RCOR1: variants seen among roughly 807,000 people sequenced by gnomAD.
RCOR1 encodes REST corepressor.
A neutral mutation model predicts 64.0 loss-of-function variants in RCOR1; 12 were observed. The observed-to-expected ratio is 0.19, with a 90% CI of 0.12 to 0.30. RCOR1 has a LOEUF of 0.30. Ranked by LOEUF, RCOR1 falls within the 10% of genes least tolerant of loss-of-function variation. The pLI is 1.00. For missense variants in RCOR1, 502 were observed against 621.2 expected, an observed-to-expected ratio of 0.81 and a Z score of 2.04; for synonymous variants, 279 against 227.2, an observed-to-expected ratio of 1.23 and a Z score of -2.05.
chr14:102,607,456 C>T (rs1337807594), intron 2 of RCOR1, among the ~76,000 whole-genome samples: 1 of 152,052 alleles, frequency 6.6e-6, no homozygotes, highest in African/African-American at 2.4e-5. Flanking sequence ...ACAAAATTGA[C>T]TATTTTTTGG....
intron 2 of RCOR1, among the ~76,000 whole-genome samples, chr14:102,593,857 C>G (rs1236282263): frequency 6.6e-6 from 1 of 152,188 alleles, no homozygotes; most frequent in Non-Finnish European, 1.5e-5. Context: ...CCCCCCAAAA[C>G]CAGTCAATAA....
chr14:102,683,223 T>G (rs558206926), intron 3 of RCOR1, among the ~76,000 whole-genome samples: 1 of 152,222 alleles, frequency 6.6e-6, no homozygotes, highest in East Asian at 1.9e-4. Flanking sequence ...CTTTAAACTT[T>G]AAAAAAACTA....
intron 11 of RCOR1, among the ~76,000 whole-genome samples, chr14:102,723,192 T>C (rs1169221544): frequency 6.6e-6 from 1 of 152,280 alleles, no homozygotes; most frequent in Non-Finnish European, 1.5e-5. Flanking sequence ...AATTTAGCTT[T>C]GTAAGGAAAG....
chr14:102,627,717 T>C lies in RCOR1; in HGVS notation c.361+34392T>C, dbSNP rs150749778. Reference sequence around the variant, plus strand: ...ACAAACTTCTTTTGGTTATTCTGATTCTGTATATTCTTTCTTTTCTCCTAT... The same window carrying C: ...ACAAACTTCTTTTGGTTATTCTGATCCTGTATATTCTTTCTTTTCTCCTAT... On this transcript the variant is annotated intron_variant, in intron 2 of 11. Transcript: ENST00000262241. 1.1e-3 allele frequency among the ~76,000 whole-genome samples: 164 copies of C among 151,954 alleles called. No homozygotes were observed. The Middle Eastern group carries it at 0.017, about 16-fold the overall frequency.
intron 3 of RCOR1, among the ~76,000 whole-genome samples, chr14:102,699,641 G>T (rs1275911847): frequency 1.3e-5 from 2 of 152,128 alleles, no homozygotes; most frequent in African/African-American, 4.8e-5. Context: ...ATCACTCTGA[G>T]CCTGTTTTCT....
At chr14:102,706,966 A>G (rs1477752016) in intron 4 of RCOR1, among the ~76,000 whole-genome samples, 3 of 152,196 alleles carry the variant, frequency 2.0e-5, no homozygotes, top group South Asian at 2.1e-4. Context: ...GTACCTAACA[A>G]GTTATCACCA....
intron 2 of RCOR1, among the ~76,000 whole-genome samples, chr14:102,624,149 T>C (rs1438088971): frequency 6.6e-6 from 1 of 151,408 alleles, no homozygotes; most frequent in African/African-American, 2.4e-5. Context: ...TGAGCTGAAA[T>C]TGCGCCACTG....
chr14:102,668,559 TTCTG>T (rs1327896296), intron 2 of RCOR1, among the ~76,000 whole-genome samples: 3 of 152,194 alleles, frequency 2.0e-5, no homozygotes, highest in Non-Finnish European at 4.4e-5. Context: ...CTGAAGCCCT[TTCTG>T]TCTGTCTTCT....
intron 2 of RCOR1, among the ~76,000 whole-genome samples, chr14:102,670,287 C>T (rs575347809): frequency 1.8e-4 from 27 of 152,190 alleles, no homozygotes; most frequent in Non-Finnish European, 3.5e-4. Flanking sequence ...TATTTATTAT[C>T]TTTTTGAGTC....
chr14:102,619,799 A>T (rs1370454171), intron 2 of RCOR1, among the ~76,000 whole-genome samples: 4 of 151,068 alleles, frequency 2.6e-5, no homozygotes, highest in Admixed American at 6.6e-5. Flanking sequence ...ATTACCATAA[A>T]CTCTTCTCCT....
chr14:102,724,281 CTTT>C (rs1013378004), intron 11 of RCOR1, among the ~76,000 whole-genome samples: 1 of 152,068 alleles, frequency 6.6e-6, no homozygotes, highest in Non-Finnish European at 1.5e-5. Flanking sequence ...CCTTTACAAA[CTTT>C]TTCACTCCGC....
rs770454781 is a variant in RCOR1 at position 102,710,950 on chromosome 14, A to G, written c.795A>G (p.Glu265=). 4 of 1,605,328 alleles carry G rather than the reference A, an allele frequency of 2.5e-6. No homozygotes were observed. The Admixed American group carries it at 7.0e-5, about 28-fold the overall frequency. Residue 265 remains glutamate, a synonymous_variant, in exon 7 of 12, where the codon GAA becomes GAG. Coordinates refer to ENST00000262241, the MANE Select transcript of RCOR1 (RefSeq NM_015156.4). ...REREESEDEL[E]EANGNNPIDI... Reference sequence around the variant, plus strand: ...TGTCTTCCAGCGAGGATGAACTGGAAGAGGCAAATGGAAACAATCCCATTG... The same window carrying G: ...TGTCTTCCAGCGAGGATGAACTGGAGGAGGCAAATGGAAACAATCCCATTG...
rs1895880707 is a variant in RCOR1, at chr14:102,707,573, A to G, written c.660+61A>G. 25 of 1,317,932 alleles carry G rather than the reference A, an allele frequency of 1.9e-5. No individual in the cohort carries two copies. In the South Asian group the frequency reaches 3.5e-4, roughly 18 times the overall value. The allele number at this position is 1,317,932 out of a possible 1,614,324, so 81.6% of individuals were successfully genotyped here. ...CTCCTATCTAACTCTCTTTTGCAGC[A>G]TACTTGAGATAGGGATATCATACTC... is the stretch of plus-strand genomic sequence containing the variant. On this transcript the variant is annotated intron_variant, in intron 5 of 11. Transcript: ENST00000262241.
intron 3 of RCOR1, among the ~76,000 whole-genome samples, chr14:102,692,710 C>CCTTCCT (rs1555466541): frequency 8.4e-6 from 1 of 118,684 alleles, no homozygotes; most frequent in Admixed American, 9.5e-5. Flanking sequence ...AACTACATCT[C>CCTTCCT]TCCTTCCTTC....
intron 2 of RCOR1, among the ~76,000 whole-genome samples, chr14:102,630,390 C>T (rs977873815): frequency 6.6e-6 from 1 of 152,146 alleles, no homozygotes; most frequent in Non-Finnish European, 1.5e-5. Flanking sequence ...TTTTCTTTGT[C>T]AGTTACCCAG....
intron 2 of RCOR1, among the ~76,000 whole-genome samples, chr14:102,640,255 C>G (rs1022062598): frequency 6.6e-6 from 1 of 152,122 alleles, no homozygotes; most frequent in African/African-American, 2.4e-5. Flanking sequence ...TGCTGGGAGC[C>G]GCTGTGCCCA....
chr14:102,699,661 G>A (rs1043226213), intron 3 of RCOR1, among the ~76,000 whole-genome samples: 2 of 152,080 alleles, frequency 1.3e-5, no homozygotes, highest in Non-Finnish European at 2.9e-5. Context: ...TCTAAGTTTG[G>A]CCATTGTACC....
chr14:102,602,594 G>A (rs528166815), intron 2 of RCOR1, among the ~76,000 whole-genome samples: 1 of 152,080 alleles, frequency 6.6e-6, no homozygotes, highest in East Asian at 1.9e-4. Context: ...TTTTAGTAGA[G>A]AAGGGGTTTC....
At chr14:102,701,392 TA>T in intron 4 of RCOR1, 62 bp downstream of exon 4, 1 of 1,296,210 alleles carries the variant, frequency 7.7e-7, no homozygotes. Context: ...TAAATAATTA[TA>T]TTTTTTTCTT....
Sources: gnomAD v4.1 joint callset for allele counts (sites outside exome capture counted in the v4.1 genomes callset) on GRCh38, gnomAD v4.1.1 for gene constraint, MANE v1.5 for transcripts, NCBI Gene and HGNC (gene_info 2026-07-23, HGNC 2026-07-21) for gene names.